Variants in OTUD7A observed in about 807,000 individuals in gnomAD.
OTUD7A encodes the protein OTU domain-containing protein 7A.
Under a neutral mutation model 65.7 loss-of-function variants are expected in OTUD7A, and 12 were observed. That is an observed-to-expected ratio of 0.18 (90% confidence interval 0.12 to 0.30). The LOEUF (loss-of-function observed/expected upper bound fraction) is 0.30, where lower values mean the gene tolerates loss of function less well. Among genes scored for constraint, OTUD7A ranks in the 10% least tolerant of loss-of-function variants. The pLI, the probability that OTUD7A is intolerant of heterozygous loss-of-function variation, is 1.00. For synonymous variants in OTUD7A, 641 were observed against 586.3 expected (o/e 1.09, Z -1.35); for missense variants, 1,148 against 1,304.8 (o/e 0.88, Z 1.85).
At chr15:31,597,840 G>T (rs1360207887) in intron 3 of OTUD7A, among the ~76,000 whole-genome samples, 2 of 152,194 alleles carry the variant, frequency 1.3e-5, no homozygotes, top group African/African-American at 4.8e-5. Context: ...GGCAAGGCAA[G>T]GGGCATAGAG....
intron 1 of OTUD7A, among the ~76,000 whole-genome samples, chr15:31,864,033 G>A (rs1201896660): frequency 6.6e-6 from 1 of 152,186 alleles, no homozygotes; most frequent in Non-Finnish European, 1.5e-5. Context: ...GAGGCAAAAT[G>A]CCACCAGTCT....
At chr15:31,663,089 A>G (rs1313401480) in intron 1 of OTUD7A, among the ~76,000 whole-genome samples, 1 of 147,406 alleles carries the variant, frequency 6.8e-6, no homozygotes, top group Non-Finnish European at 1.5e-5. Context: ...GTATCCCTCT[A>G]TTGCCAAATC....
At chr15:31,737,739 A>G (rs1215301453) in intron 1 of OTUD7A, among the ~76,000 whole-genome samples, 4 of 152,188 alleles carry the variant, frequency 2.6e-5, no homozygotes, top group Non-Finnish European at 5.9e-5. Flanking sequence ...GCAGGAAATA[A>G]CTGGATAGAC....
rs1045511017 is a variant in OTUD7A, at chr15:31,561,676, G to T, written c.332-2489C>A. ...TATTTTTGAACTAAAAATATTAATA[G>T]ATTGCGTTGAAGATCATATAAAATG... On this transcript the variant is annotated intron_variant, in intron 4 of 12. Transcript: ENST00000307050. Among the ~76,000 whole-genome samples, 6 of 152,124 alleles carry T rather than the reference G, an allele frequency of 3.9e-5. No individual in the cohort carries two copies. In the East Asian group the frequency reaches 1.2e-3, roughly 29 times the overall value.
At chr15:31,794,392 T>G (rs937469891) in intron 1 of OTUD7A, among the ~76,000 whole-genome samples, 1 of 151,964 alleles carries the variant, frequency 6.6e-6, no homozygotes, top group African/African-American at 2.4e-5. Context: ...TTAATGTTCC[T>G]ATCACATGAA....
At chr15:31,538,458 A>AG (rs1253844868) in intron 5 of OTUD7A, among the ~76,000 whole-genome samples, 1 of 152,194 alleles carries the variant, frequency 6.6e-6, no homozygotes, top group Non-Finnish European at 1.5e-5. Flanking sequence ...GCTCTGTGTC[A>AG]GGGGATGTTA....
At chr15:31,559,247 GTACATAAA>G in intron 4 of OTUD7A, 60 bp from the exon 5 acceptor site, 1 of 1,481,282 alleles carries the variant, frequency 6.8e-7, no homozygotes, top group South Asian at 1.3e-5. Flanking sequence ...GTGGCTCTAT[GTACATAAA>G]CACACATACT....
chr15:31,535,534 T>G (rs999145108), intron 5 of OTUD7A, among the ~76,000 whole-genome samples: 3 of 152,178 alleles, frequency 2.0e-5, no homozygotes, highest in Non-Finnish European at 2.9e-5. Flanking sequence ...GATATTTATT[T>G]ACCCAAGAGA....
chr15:31,484,489 T>C lies in OTUD7A; in HGVS notation c.1607A>G (p.Lys536Arg). The change falls in exon 13 of 13, where the codon AAG (lysine) becomes AGG (arginine). Residue 536 changes from lysine (K) to arginine (R), a missense_variant. Lys to Arg is a conservative substitution (Grantham distance 26). Around this residue, in one of 6 missense-constraint regions of OTUD7A, gnomAD observed 842 missense variants for 769.5 expected, o/e 1.09. Coordinates refer to ENST00000307050, the MANE Select transcript of OTUD7A (RefSeq NM_001382637.1). This position sits in a 1 kb window ranked among gnomAD's most constrained non-coding sequence, Gnocchi z 4.5. ...GCCGCCGAGGCCGCCCATGTTTTTC[T>C]TCAGCTTGATGCCCAGCGTCTTGCT... ...SFSKTLGIKL[K>R]KNMGGLGGLV... is the part of the protein sequence containing the mutation. The C allele has an allele frequency of 6.2e-7, 1 of 1,608,528 alleles. No individual in the cohort carries two copies. The highest frequency in any genetic ancestry group is 8.5e-7 in the Non-Finnish European group (1 of 1,179,976).
Position 31,821,608 on chromosome 15 carries a change from A to G in OTUD7A, c.-100+48899T>C, listed in dbSNP as rs558592602. Among the ~76,000 whole-genome samples the G allele has an allele frequency of 3.9e-5, 6 of 152,256 alleles. No homozygotes were observed. In the South Asian group the frequency reaches 1.0e-3, roughly 26 times the overall value. ...ACACTCATGTACAAGTTTTTGTGTG[A>G]ACATGTTTTCATTTCTCTTCCCTAG... On this transcript the variant is annotated intron_variant, in intron 1 of 12. Coordinates refer to ENST00000307050, the MANE Select transcript of OTUD7A (RefSeq NM_001382637.1).
chr15:31,720,003 A>AT (rs1893690816), intron 1 of OTUD7A, among the ~76,000 whole-genome samples: 1 of 152,170 alleles, frequency 6.6e-6, no homozygotes, highest in Non-Finnish European at 1.5e-5. Context: ...TATATACTAT[A>AT]TTTTTTCCCT....
intron 3 of OTUD7A, among the ~76,000 whole-genome samples, chr15:31,625,126 G>C (rs1890912158): frequency 6.6e-6 from 1 of 152,206 alleles, no homozygotes; most frequent in Non-Finnish European, 1.5e-5. Flanking sequence ...CCAGGGAAGA[G>C]GCTGTGGTGA....
At chr15:31,587,598 C>T (rs975972618) in intron 3 of OTUD7A, among the ~76,000 whole-genome samples, 1 of 151,630 alleles carries the variant, frequency 6.6e-6, no homozygotes, top group Admixed American at 6.6e-5. Flanking sequence ...TGAGATTGTG[C>T]CACTGCACTC....
intron 3 of OTUD7A, among the ~76,000 whole-genome samples, chr15:31,619,481 C>T (rs1298338197): frequency 6.6e-6 from 1 of 152,044 alleles, no homozygotes; most frequent in Non-Finnish European, 1.5e-5. Flanking sequence ...TGAAGAGGTC[C>T]TTCACATCCC....
intron 3 of OTUD7A, among the ~76,000 whole-genome samples, chr15:31,604,402 C>T (rs1353519918): frequency 6.6e-6 from 1 of 151,792 alleles, no homozygotes; most frequent in Non-Finnish European, 1.5e-5. Context: ...AATGAGAACA[C>T]ATGGACACAC....
intron 1 of OTUD7A, among the ~76,000 whole-genome samples, chr15:31,677,608 T>A (rs1892622699): frequency 6.6e-6 from 1 of 152,156 alleles, no homozygotes; most frequent in African/African-American, 2.4e-5. Context: ...CCTGCTTGTA[T>A]TTCTCCTTCC....
In OTUD7A at chr15:31,501,785, T is replaced by C; in HGVS notation, c.1076A>G (p.Asn359Ser). The C allele has an allele frequency of 6.2e-7, 1 of 1,614,118 alleles. No individual in the cohort carries two copies. The highest frequency in any genetic ancestry group is 8.5e-7 in the Non-Finnish European group (1 of 1,179,992). Residue 359 changes from asparagine (N) to serine (S), a missense_variant, in exon 10 of 13, where the codon AAC becomes AGC. Coordinates refer to ENST00000307050, the MANE Select transcript of OTUD7A (RefSeq NM_001382637.1). ...AACCAGAGGCGAGCAGTGGCATCTGTTGGGAGGGACCTCCAAGGGCAGGTA... is the reference window on the plus strand; with the variant it reads ...AACCAGAGGCGAGCAGTGGCATCTGCTGGGAGGGACCTCCAAGGGCAGGTA... ...GIYLPLEVPP[N>S]RCHCSPLVLA... is the part of the protein sequence containing the mutation.
In OTUD7A at chr15:31,483,856, CCCG is replaced by C; in HGVS notation, c.2237_2239del (p.Ala746del). The C allele has an allele frequency of 1.0e-6, 1 of 984,086 alleles. No individual in the cohort carries two copies. Among genetic ancestry groups the C allele is most frequent in the Non-Finnish European group, 1.2e-6 (1 of 831,132 alleles). 61.0% of individuals were successfully genotyped at this position (984,086 alleles called of 1,614,324 possible). On this transcript the variant is annotated inframe_deletion, in exon 13 of 13. Transcript: ENST00000307050. ...GCCTCCCCCCGGGGAGGCCGTGCCG[CCCG>C]CCGCCGCCCGCGCCGCACGCCCTGC...
chr15:31,758,242 C>T (rs1894867865), intron 1 of OTUD7A, among the ~76,000 whole-genome samples: 1 of 149,620 alleles, frequency 6.7e-6, no homozygotes, highest in African/African-American at 2.4e-5. Flanking sequence ...ACATGTCTGT[C>T]ACACACACAC....
Sources: gnomAD v4.1 joint callset for allele counts (sites outside exome capture counted in the v4.1 genomes callset) on GRCh38, gnomAD v4.1.1 for gene constraint, gnomAD v4.1.1 regional missense constraint, Gnocchi (gnomAD v3.1) non-coding constraint, MANE v1.5 for transcripts, NCBI Gene and HGNC (gene_info 2026-07-23, HGNC 2026-07-21) for gene names.